CHCHD6: variants seen among roughly 807,000 people sequenced by gnomAD.
CHCHD6 encodes the protein MICOS complex subunit MIC25.
In CHCHD6, 28 loss-of-function variants were observed where a neutral mutation model predicts 32.3. That is an observed-to-expected ratio of 0.87 (90% CI 0.64 to 1.19). The LOEUF is 1.19. CHCHD6 is among the 50% of genes most tolerant of loss of function. The pLI, the probability that CHCHD6 is intolerant of heterozygous loss-of-function variation, is 0.00. For synonymous variants in CHCHD6, 122 were observed against 117.5 expected, an observed-to-expected ratio of 1.04 and a Z score of -0.25; for missense variants, 333 against 307.0, an observed-to-expected ratio of 1.08 and a Z score of -0.63.
intron 4 of CHCHD6, among the ~76,000 whole-genome samples, chr3:126,733,464 T>A (rs1935905473): frequency 6.6e-6 from 1 of 152,202 alleles, no homozygotes; most frequent in African/African-American, 2.4e-5. Flanking sequence ...CTCTGTGGCC[T>A]CAGGTCTACA....
chr3:126,731,268 A>T (rs754762659), intron 3 of CHCHD6, among the ~76,000 whole-genome samples: 1 of 152,078 alleles, frequency 6.6e-6, no homozygotes, highest in Non-Finnish European at 1.5e-5. Context: ...TGGCTCCAGG[A>T]TGTTGGTAAC....
At chr3:126,769,924 T>C (rs976129169) in intron 4 of CHCHD6, among the ~76,000 whole-genome samples, 9 of 152,242 alleles carry the variant, frequency 5.9e-5, no homozygotes, top group Non-Finnish European at 8.8e-5. Context: ...TGCTTTGTGC[T>C]GTATGGCCAT....
At chr3:126,772,351 G>C (rs1559834684) in intron 4 of CHCHD6, among the ~76,000 whole-genome samples, 4 of 152,106 alleles carry the variant, frequency 2.6e-5, no homozygotes, top group Admixed American at 2.6e-4. Context: ...GCCTGCTTCA[G>C]CCTCCCAAAG....
intron 6 of CHCHD6, among the ~76,000 whole-genome samples, chr3:126,921,448 T>TG (rs780229227): frequency 1.3e-4 from 20 of 152,054 alleles, no homozygotes; most frequent in Non-Finnish European, 5.9e-5. Flanking sequence ...GAAGAAGAGA[T>TG]GAAGACCCCA....
intron 5 of CHCHD6, 53 bp downstream of exon 5, chr3:126,852,783 AC>A: frequency 8.3e-7 from 1 of 1,208,626 alleles, no homozygotes; most frequent in Non-Finnish European, 1.2e-6. Context: ...AAGGCATCTG[AC>A]CAGAACACAT....
chr3:126,726,502 A>G lies in CHCHD6; in HGVS notation c.88-576A>G, dbSNP rs1935541653. On this transcript the variant is annotated intron_variant, in intron 1 of 7. Transcript: ENST00000290913. ...ACAAAGTACATGCTGTTGGAAAGAC[A>G]GCACCAGTAGACTTGCCTGATGCAG... 1.3e-5 allele frequency among the ~76,000 whole-genome samples: 2 copies of G among 152,244 alleles called. 1 individual carries two copies. The highest frequency in any genetic ancestry group is 1.3e-4 in the Admixed American group (2 of 15,292).
At chr3:126,920,646 G>A (rs575151779) in intron 6 of CHCHD6, among the ~76,000 whole-genome samples, 1 of 152,220 alleles carries the variant, frequency 6.6e-6, no homozygotes, top group African/African-American at 2.4e-5. Context: ...TCACTGCTTT[G>A]TAGCTCCCTT....
chr3:126,790,949 T>G (rs1401752173), intron 4 of CHCHD6, among the ~76,000 whole-genome samples: 1 of 152,214 alleles, frequency 6.6e-6, no homozygotes. Flanking sequence ...CCCATTTTTG[T>G]GGTTTTATCT....
chr3:126,791,737 G>A (rs947508933), intron 4 of CHCHD6, among the ~76,000 whole-genome samples: 33 of 152,338 alleles, frequency 2.2e-4, no homozygotes, highest in Middle Eastern at 3.4e-3. Flanking sequence ...AGCCTCCCAA[G>A]TAGCTGGGAT....
intron 4 of CHCHD6, chr3:126,766,701 G>T: frequency 8.9e-7 from 1 of 1,120,906 alleles, no homozygotes; most frequent in African/African-American, 1.5e-5. Context: ...CCAGGCTCTG[G>T]ATTATCCAGC....
Position 126,808,247 on chromosome 3 carries a change from A to G in CHCHD6, c.412-44400A>G, listed in dbSNP as rs148603895. ...GGGTCTCATAGCAGCTTGCCTCATC[A>G]GAGTGAGAAAGAGAGAGTGTGAACA... On this transcript the variant is annotated intron_variant, in intron 4 of 7. Transcript: ENST00000290913. Among the ~76,000 whole-genome samples the G allele has an allele frequency of 5.6e-4, 85 of 152,278 alleles. No homozygotes were observed. The East Asian group carries it at 0.016, about 29-fold the overall frequency.
chr3:126,901,319 C>T (rs2077924962), intron 5 of CHCHD6, among the ~76,000 whole-genome samples: 2 of 152,240 alleles, frequency 1.3e-5, no homozygotes, highest in Non-Finnish European at 2.9e-5. Context: ...GTCTGTGTCT[C>T]AGAATTCCCA....
intron 5 of CHCHD6, among the ~76,000 whole-genome samples, chr3:126,885,692 T>G (rs751728803): frequency 1.1e-4 from 17 of 152,246 alleles, no homozygotes; most frequent in South Asian, 6.2e-4. Context: ...GCACCTCATC[T>G]GCTGTCAACA....
At chr3:126,892,046 G>A (rs758319012) in intron 5 of CHCHD6, among the ~76,000 whole-genome samples, 2 of 152,168 alleles carry the variant, frequency 1.3e-5, no homozygotes, top group Non-Finnish European at 2.9e-5. Flanking sequence ...AGGTGCCAGC[G>A]ACAACGTCTC....
intron 5 of CHCHD6, among the ~76,000 whole-genome samples, chr3:126,860,164 C>T (rs1327941706): frequency 2.0e-5 from 3 of 152,064 alleles, no homozygotes; most frequent in East Asian, 3.9e-4. Flanking sequence ...TGTGAGAGGC[C>T]TATAGAGAGA....
intron 4 of CHCHD6, among the ~76,000 whole-genome samples, chr3:126,830,804 C>T (rs1940606434): frequency 6.6e-6 from 1 of 152,194 alleles, no homozygotes; most frequent in Non-Finnish European, 1.5e-5. Context: ...CTCTGTTACT[C>T]AGAGGACAGC....
chr3:126,953,738 C>T (rs2078748342), intron 6 of CHCHD6, among the ~76,000 whole-genome samples: 1 of 152,168 alleles, frequency 6.6e-6, no homozygotes, highest in South Asian at 2.1e-4. Context: ...GTGTGAACCC[C>T]TTCGAAGCCA....
intron 1 of CHCHD6, among the ~76,000 whole-genome samples, chr3:126,722,897 T>C (rs1935373269): frequency 6.6e-6 from 1 of 152,226 alleles, no homozygotes; most frequent in Non-Finnish European, 1.5e-5. Context: ...TCATAATGAT[T>C]TAGCCCTCTG....
At chr3:126,837,903 T>G (rs1940926702) in intron 4 of CHCHD6, among the ~76,000 whole-genome samples, 1 of 152,202 alleles carries the variant, frequency 6.6e-6, no homozygotes, top group Non-Finnish European at 1.5e-5. Context: ...CTTTTCTTAC[T>G]TGGGCAACAC....
Sources: allele counts gnomAD v4.1 joint callset (sites outside exome capture counted in the v4.1 genomes callset), GRCh38; gene constraint gnomAD v4.1.1; transcripts MANE v1.5; gene names NCBI Gene and HGNC (gene_info 2026-07-23, HGNC 2026-07-21).